The following MGAT4B variants were observed in gnomAD, a reference collection of about 807,000 sequenced individuals.
MGAT4B encodes the protein N-acetylglucosaminyltransferase IVb.
MGAT4B carries 38 observed loss-of-function variants against 73.9 expected under a neutral mutation model. The ratio of observed to expected loss-of-function variants is 0.51; its 90% CI spans 0.40 to 0.67. MGAT4B has a LOEUF of 0.67. Among genes scored for constraint, MGAT4B ranks in the 30% least tolerant of loss-of-function variants. The pLI, the probability that MGAT4B is intolerant of heterozygous loss-of-function variation, is 0.00. For missense variants in MGAT4B, 686 were observed against 735.2 expected (o/e 0.93, Z 0.77); for synonymous variants, 373 against 313.5 (o/e 1.19, Z -2.01).
chr5:179,797,956 G>GT lies in MGAT4B; in HGVS notation c.*88dup, dbSNP rs1756720753. The GT allele has an allele frequency of 2.0e-6, 3 of 1,509,636 alleles. No individual in the cohort carries two copies. The East Asian group carries it at 7.3e-5, about 37-fold the overall frequency. 93.5% of individuals were successfully genotyped at this position (1,509,636 alleles called of 1,614,324 possible). ...CAGGCAGAACCCTTTGGGCGGGGCC[G>GT]TATCTGGCCCTCCGGGGACGGCAGT... On this transcript the variant is annotated 3_prime_UTR_variant, in exon 15 of 15. Transcript: ENST00000292591.
At chr5:179,800,315 C>T (rs1756857570) in intron 6 of MGAT4B, 56 bp from the exon 7 acceptor site, 3 of 1,593,368 alleles carry the variant, frequency 1.9e-6, no homozygotes, top group Non-Finnish European at 2.6e-6. Flanking sequence ...CATTGTGGCT[C>T]CGCAGAGAAG....
intron 11 of MGAT4B, 125 bp from the exon 12 acceptor site, chr5:179,798,716 G>A: frequency 8.3e-7 from 1 of 1,203,658 alleles, no homozygotes; most frequent in Admixed American, 2.0e-5. Context: ...GCTGTGCAAA[G>A]AGACCAGGGC....
At chr5:179,800,675 T>C in intron 5 of MGAT4B, 78 bp from the exon 6 acceptor site, 1 of 1,181,384 alleles carries the variant, frequency 8.5e-7, no homozygotes, top group East Asian at 2.5e-5. Context: ...TGTGGCCCTT[T>C]CTTGAGGCTC....
intron 1 of MGAT4B, among the ~76,000 whole-genome samples, chr5:179,805,761 G>T (rs1757122516): frequency 6.6e-6 from 1 of 152,228 alleles, no homozygotes; most frequent in Non-Finnish European, 1.5e-5. Flanking sequence ...TCCAGGCCGG[G>T]GGAAGAGCGC....
Position 179,801,738 on chromosome 5 carries a change from C to T in MGAT4B, c.284-44G>A. ...ATCGGGACTGAGACCAGGGAACCTA[C>T]AACCAGCCCGCCCCCGCCTTTTCCC... On this transcript the variant is annotated intron_variant, in intron 2 of 14. Coordinates refer to ENST00000292591, the MANE Select transcript of MGAT4B (RefSeq NM_014275.5). This position sits in a 1 kb window ranked among gnomAD's most constrained non-coding sequence, Gnocchi z 4.8. The T allele has an allele frequency of 6.3e-7, 1 of 1,583,806 alleles. No homozygotes were observed. The highest frequency in any genetic ancestry group is 1.3e-5 in the African/African-American group (1 of 74,820).
At chr5:179,799,426 C>A (rs907039489) in intron 9 of MGAT4B, 80 bp downstream of exon 9, 63 of 1,608,852 alleles carry the variant, frequency 3.9e-5, no homozygotes, top group Non-Finnish European at 5.1e-5. Flanking sequence ...TGAGCAGATG[C>A]AAGGACAGGG....
In MGAT4B at chr5:179,799,215, G is replaced by T. The variant is rs748405884; in HGVS notation, c.1137C>A (p.Ile379=). ...CAGTGCAGCCCACCTTCAGTTTCTGGATCTTGCCAGCCAGCGAGGAGTGAG... is the reference window on the plus strand; with the variant it reads ...CAGTGCAGCCCACCTTCAGTTTCTGTATCTTGCCAGCCAGCGAGGAGTGAG... ...VGTHSSLAGK[I]QKLKDKDFGK... is the part of the protein sequence containing the mutation. Residue 379 remains isoleucine, a synonymous_variant, in exon 10 of 15, where the codon ATC becomes ATA. Coordinates refer to ENST00000292591, the MANE Select transcript of MGAT4B (RefSeq NM_014275.5). 5 of 1,613,892 alleles carry T rather than the reference G, an allele frequency of 3.1e-6. No individual in the cohort carries two copies. Among genetic ancestry groups the T allele is most frequent in the African/African-American group, 1.3e-5 (1 of 74,946 alleles).
At chr5:179,799,820 G>C in intron 8 of MGAT4B, 134 bp downstream of exon 8, 2 of 1,228,506 alleles carry the variant, frequency 1.6e-6, no homozygotes, top group Non-Finnish European at 2.3e-6. Context: ...GAACAGGCCA[G>C]GTGGGGCTGT....
At position 179,801,570 on chromosome 5, in the gene MGAT4B, G is replaced by A. The variant is rs771619076; in HGVS notation, c.408C>T (p.Gly136=). 4 of 1,608,074 alleles carry A rather than the reference G, an allele frequency of 2.5e-6. No individual in the cohort carries two copies. Among genetic ancestry groups the A allele is most frequent in the East Asian group, 2.2e-5 (1 of 44,628 alleles). Residue 136 remains glycine (G), a synonymous_variant, in exon 3 of 15, where the codon GGC becomes GGT. Transcript: ENST00000292591. This position sits in a 1 kb window ranked among gnomAD's most constrained non-coding sequence, Gnocchi z 4.8. ...ESSLQPAVRV[G]QGRTGVSVVM... ...CGCCCATACCTCCGGTGCGGCCCTG[G>A]CCCACGCGCACCGCGGGCTGCAGAC...
chr5:179,802,708 G>A, intron 1 of MGAT4B: 2 of 986,322 alleles, frequency 2.0e-6, no homozygotes, highest in Admixed American at 6.1e-5. Flanking sequence ...CATGAGGGCT[G>A]TAGGTGGATG....
rs1373546432 is a variant in MGAT4B, at chr5:179,798,288, G to T, written c.1511-11C>A. On this transcript the variant is annotated splice_polypyrimidine_tract_variant and intron_variant, in intron 13 of 14. Coordinates refer to ENST00000292591, the MANE Select transcript of MGAT4B (RefSeq NM_014275.5). Reference sequence around the variant, plus strand: ...CCTTGTAGAAGGAGCCTGTGGGAGGGCAGTGGTGAGAGGGTGTCCCTGAAC... The same window carrying T: ...CCTTGTAGAAGGAGCCTGTGGGAGGTCAGTGGTGAGAGGGTGTCCCTGAAC... The T allele has an allele frequency of 2.5e-6, 4 of 1,612,810 alleles. No homozygotes were observed. In the African/African-American group the frequency reaches 4.0e-5, roughly 16 times the overall value.
chr5:179,806,861 GAC>G lies in MGAT4B; in HGVS notation c.-280_-279del, dbSNP rs1309093070. On this transcript the variant is annotated 5_prime_UTR_variant, in exon 1 of 15. Transcript: ENST00000292591. This position sits in a 1 kb window ranked among gnomAD's most constrained non-coding sequence, Gnocchi z 4.6. ...CTCACTGCAGATATCAGGGGCGCGG[GAC>G]ACTGGCGGCCTCGCCTCCGCGGCAG... The G allele has an allele frequency of 6.6e-6, 1 of 150,868 alleles. No homozygotes were observed. The highest frequency in any genetic ancestry group is 1.5e-5 in the Non-Finnish European group (1 of 67,934). 9.3% of individuals were successfully genotyped at this position (150,868 alleles called of 1,614,324 possible).
At position 179,797,840 on chromosome 5, in the gene MGAT4B, TGCCTCCTCCGCGGCCCGGCGG is replaced by T. The variant is rs915422643; in HGVS notation, c.*184_*204del. ...CCTCAGGCACAGTGTGGGGGCCGCC[TGCCTCCTCCGCGGCCCGGCGG>T]GCGGGGGCAGCACCAGCTCCTAGGG... is the stretch of plus-strand genomic sequence containing the variant. On this transcript the variant is annotated 3_prime_UTR_variant, in exon 15 of 15. Transcript: ENST00000292591. 7.2e-5 allele frequency: 47 copies of T among 648,548 alleles called. No homozygotes were observed. In the Middle Eastern group the frequency reaches 2.3e-3, roughly 31 times the overall value. The allele number at this position is 648,548 out of a possible 1,614,324, so 40.2% of individuals were successfully genotyped here. A position where few individuals can be genotyped will look rare whatever the true frequency, so the allele number is the denominator to read the frequency against.
At chr5:179,798,879 G>T (rs1203742322) in intron 11 of MGAT4B, 49 bp downstream of exon 11, 1 of 1,603,342 alleles carries the variant, frequency 6.2e-7, no homozygotes, top group South Asian at 1.1e-5. Flanking sequence ...TACACCCTGG[G>T]GGCCACCCAG....
chr5:179,802,843 G>A (rs1037755290), intron 1 of MGAT4B: 6 of 985,342 alleles, frequency 6.1e-6, no homozygotes, highest in Non-Finnish European at 4.8e-6. Flanking sequence ...GCAGCAGGAC[G>A]CTCCAGGCCT....
chr5:179,801,982 G>A lies in MGAT4B; in HGVS notation c.98-13C>T, dbSNP rs529885337. On this transcript the variant is annotated splice_polypyrimidine_tract_variant and intron_variant, in intron 1 of 14. Coordinates refer to ENST00000292591, the MANE Select transcript of MGAT4B (RefSeq NM_014275.5). This position sits in a 1 kb window ranked among gnomAD's most constrained non-coding sequence, Gnocchi z 4.8. Reference sequence around the variant, plus strand: ...TCCACAACGTCGCCTGCAGGTGGTAGGCAAGCCGTCACGAGGGGGCGGTCT... The same window carrying A: ...TCCACAACGTCGCCTGCAGGTGGTAAGCAAGCCGTCACGAGGGGGCGGTCT... 6.8e-6 allele frequency: 11 copies of A among 1,613,320 alleles called. No individual in the cohort carries two copies. Among genetic ancestry groups the A allele is most frequent in the Admixed American group, 1.7e-5 (1 of 60,028 alleles).
intron 1 of MGAT4B, chr5:179,802,845 T>C: frequency 1.0e-6 from 1 of 985,470 alleles, no homozygotes; most frequent in Non-Finnish European, 1.2e-6. Flanking sequence ...AGCAGGACGC[T>C]CCAGGCCTCT....
In MGAT4B at chr5:179,801,002, G is replaced by C. The variant is rs1248055851; in HGVS notation, c.559-49C>G. ...CCTTAGCCCTGCTGCTGCCCCAAAA[G>C]GCCTGGAAGGGCTTGGAGAAGGGGC... On this transcript the variant is annotated intron_variant, in intron 4 of 14. Coordinates refer to ENST00000292591, the MANE Select transcript of MGAT4B (RefSeq NM_014275.5). The surrounding 1 kb of genome is among the most constrained non-coding windows in gnomAD (Gnocchi z 4.8). The C allele has an allele frequency of 6.2e-7, 1 of 1,600,880 alleles. No individual in the cohort carries two copies. The highest frequency in any genetic ancestry group is 1.1e-5 in the South Asian group (1 of 90,732).
chr5:179,806,437 C>A lies in MGAT4B; in HGVS notation c.97+50G>T. On this transcript the variant is annotated intron_variant, in intron 1 of 14. Transcript: ENST00000292591. The surrounding 1 kb of genome is among the most constrained non-coding windows in gnomAD (Gnocchi z 4.6). ...CGGCCACCGCCGGGCCCGCTCCCGCCGCCGACGCCCAGGTGCGCCAGGTGC... is the reference window on the plus strand; with the variant it reads ...CGGCCACCGCCGGGCCCGCTCCCGCAGCCGACGCCCAGGTGCGCCAGGTGC... The A allele has an allele frequency of 8.8e-7, 1 of 1,130,952 alleles. No individual in the cohort carries two copies. The highest frequency in any genetic ancestry group is 1.1e-6 in the Non-Finnish European group (1 of 904,614). 70.1% of individuals were successfully genotyped at this position (1,130,952 alleles called of 1,614,324 possible).
Sources: allele counts gnomAD v4.1 joint callset (sites outside exome capture counted in the v4.1 genomes callset), GRCh38; gene constraint gnomAD v4.1.1; non-coding constraint Gnocchi (gnomAD v3.1); transcripts MANE v1.5; gene names NCBI Gene and HGNC (gene_info 2026-07-23, HGNC 2026-07-21).